Variants in SLC35D4 observed in about 807,000 individuals in gnomAD.
The protein encoded by SLC35D4 is UDP-N-acetylglucosamine transporter SLC35D4.
At chr18:23,390,004 T>C in the SLC35D4 span, among the ~76,000 whole-genome samples, 5 of 152,216 alleles carry the variant, frequency 3.3e-5, no homozygotes, top group African/African-American at 1.2e-4. Context: ...TTATTTTTGT[T>C]AAATCAAACA....
the SLC35D4 span, among the ~76,000 whole-genome samples, chr18:23,389,301 C>A: frequency 2.0e-5 from 3 of 152,052 alleles, no homozygotes; most frequent in Non-Finnish European, 1.5e-5. Context: ...TCAGGTAGTT[C>A]TTTATAGCAG....
At chr18:23,368,487 C>T in the SLC35D4 span, among the ~76,000 whole-genome samples, 2 of 152,250 alleles carry the variant, frequency 1.3e-5, no homozygotes, top group Non-Finnish European at 2.9e-5. Context: ...TGCCACGTCC[C>T]GGAGAAGGGA....
At chr18:23,257,202 G>C in the SLC35D4 span, 8 of 1,606,458 alleles carry the variant, frequency 5.0e-6, no homozygotes, top group South Asian at 1.1e-5. Flanking sequence ...AAATGAACAT[G>C]CTTTTGATTT....
At chr18:23,243,591 C>T in the SLC35D4 span, among the ~76,000 whole-genome samples, 2 of 148,462 alleles carry the variant, frequency 1.3e-5, no homozygotes, top group African/African-American at 4.9e-5. Flanking sequence ...ATAAAACTAA[C>T]ACAGGCCTCG....
the SLC35D4 span, among the ~76,000 whole-genome samples, chr18:23,434,759 AC>A: frequency 6.6e-6 from 1 of 152,060 alleles, no homozygotes; most frequent in Non-Finnish European, 1.5e-5. Flanking sequence ...GCACCACTGC[AC>A]TCCAGCCTGG....
At chr18:23,353,851 C>G in the SLC35D4 span, among the ~76,000 whole-genome samples, 1 of 152,282 alleles carries the variant, frequency 6.6e-6, no homozygotes, top group African/African-American at 2.4e-5. Flanking sequence ...GTCTCAGGTT[C>G]AGTTGCCTTA....
the SLC35D4 span, among the ~76,000 whole-genome samples, chr18:23,276,432 G>T: frequency 1.2e-4 from 17 of 138,882 alleles, no homozygotes; most frequent in Admixed American, 2.9e-4. Context: ...CCAGAATTTT[G>T]TTTTTTTTTT....
chr18:23,396,252 C>G, the SLC35D4 span, among the ~76,000 whole-genome samples: 1 of 152,288 alleles, frequency 6.6e-6, no homozygotes, highest in East Asian at 1.9e-4. Context: ...CTTTATGGAG[C>G]AGAGCTACCC....
the SLC35D4 span, among the ~76,000 whole-genome samples, chr18:23,369,076 C>T: frequency 8.5e-5 from 13 of 152,154 alleles, no homozygotes; most frequent in Non-Finnish European, 1.5e-5. Flanking sequence ...ATTTGAATTT[C>T]TGATAAAGAG....
At chr18:23,255,388 T>G in the SLC35D4 span, among the ~76,000 whole-genome samples, 2 of 152,138 alleles carry the variant, frequency 1.3e-5, no homozygotes, top group East Asian at 1.9e-4. Flanking sequence ...CTAAGGTAGG[T>G]ACTCCCCAAT....
the SLC35D4 span, among the ~76,000 whole-genome samples, chr18:23,354,052 A>C: frequency 1.2e-4 from 18 of 152,318 alleles, no homozygotes; most frequent in Admixed American, 2.6e-4. Context: ...AGCAGTGGAC[A>C]GATGTAGTTG....
chr18:23,436,588 T>A, the SLC35D4 span, among the ~76,000 whole-genome samples: 1 of 151,632 alleles, frequency 6.6e-6, no homozygotes, highest in Non-Finnish European at 1.5e-5. Context: ...AGGTCAGGAG[T>A]TCGAGACCAG....
chr18:23,340,953 G>T, the SLC35D4 span, among the ~76,000 whole-genome samples: 1 of 152,208 alleles, frequency 6.6e-6, no homozygotes. Flanking sequence ...CTCAATCCAG[G>T]AAGAATTCTC....
the SLC35D4 span, among the ~76,000 whole-genome samples, chr18:23,317,413 A>G: frequency 6.6e-6 from 1 of 152,232 alleles, no homozygotes; most frequent in South Asian, 2.1e-4. Context: ...ACAAGGCATC[A>G]TGATCACTAT....
the SLC35D4 span, among the ~76,000 whole-genome samples, chr18:23,301,216 CATAATCTATTAAATT>C: frequency 8.5e-5 from 13 of 152,286 alleles, no homozygotes; most frequent in African/African-American, 3.1e-4. Flanking sequence ...CGAGTGAGTT[CATAATCTATTAAATT>C]ATGATAAAAT....
the SLC35D4 span, among the ~76,000 whole-genome samples, chr18:23,263,754 C>T: frequency 6.6e-6 from 1 of 152,188 alleles, no homozygotes; most frequent in Non-Finnish European, 1.5e-5. Flanking sequence ...CTTGGCCAGG[C>T]GGTCAGTTGG....
the SLC35D4 span, among the ~76,000 whole-genome samples, chr18:23,294,979 T>TG: frequency 1.6e-3 from 238 of 152,160 alleles, 2 homozygotes; most frequent in Admixed American, 2.8e-3. Flanking sequence ...TTTGCTTAAA[T>TG]GGCACTTGGA....
At chr18:23,391,194 G>C in the SLC35D4 span, among the ~76,000 whole-genome samples, 4 of 151,062 alleles carry the variant, frequency 2.6e-5, no homozygotes, top group Middle Eastern at 0.01. Flanking sequence ...CTGCACTCCA[G>C]CCTGGGTGAC....
chr18:23,312,985 G>A, the SLC35D4 span, among the ~76,000 whole-genome samples: 3 of 151,848 alleles, frequency 2.0e-5, no homozygotes, highest in Non-Finnish European at 4.4e-5. Flanking sequence ...AAATTAGCCA[G>A]GCGTGATGGC....
Sources: allele counts gnomAD v4.1 joint callset (sites outside exome capture counted in the v4.1 genomes callset), GRCh38; gene constraint gnomAD v4.1.1; transcripts MANE v1.5; gene names NCBI Gene and HGNC (gene_info 2026-07-23, HGNC 2026-07-21).